The following DGKB variants were observed in gnomAD, a reference collection of about 807,000 sequenced individuals.
DGKB encodes 90 kDa diacylglycerol kinase.
Under a neutral mutation model 114.3 loss-of-function variants are expected in DGKB, and 67 were observed. The observed-to-expected ratio is 0.59, with a 90% confidence interval of 0.48 to 0.72. DGKB has a LOEUF of 0.72. Ranked by LOEUF, DGKB falls within the 30% of genes least tolerant of loss-of-function variation. The pLI is 0.00. For synonymous variants in DGKB, 398 were observed against 323.1 expected (o/e 1.23, Z -2.49); for missense variants, 907 against 975.2 (o/e 0.93, Z 0.93).
At chr7:14,625,905 A>G (rs1362108651) in intron 14 of DGKB, among the ~76,000 whole-genome samples, 6 of 152,156 alleles carry the variant, frequency 3.9e-5, no homozygotes, top group African/African-American at 1.4e-4. Flanking sequence ...TTAAATATAG[A>G]ATTCAGTGTT....
Position 14,790,445 on chromosome 7 carries a change from A to G in DGKB, c.71-32714T>C, listed in dbSNP as rs556953786. Among the ~76,000 whole-genome samples, 5 of 127,150 alleles carry G rather than the reference A, an allele frequency of 3.9e-5. No individual in the cohort carries two copies. The East Asian group carries it at 6.8e-4, about 17-fold the overall frequency. The allele number at this position is 127,150 out of a possible 152,430, so 83.4% of individuals were successfully genotyped here. Reference sequence around the variant, plus strand: ...TTCAGTTTTATGTTTTAAATATAAGACCACATCCATTTTGTTTAATTTTTC... The same window carrying G: ...TTCAGTTTTATGTTTTAAATATAAGGCCACATCCATTTTGTTTAATTTTTC... On this transcript the variant is annotated intron_variant, in intron 2 of 25. Transcript: ENST00000402815.
intron 23 of DGKB, among the ~76,000 whole-genome samples, chr7:14,228,108 G>T (rs1791110899): frequency 1.3e-5 from 2 of 151,960 alleles, no homozygotes; most frequent in South Asian, 4.1e-4. Context: ...GACGATGAGG[G>T]TTATTATATC....
intron 23 of DGKB, among the ~76,000 whole-genome samples, chr7:14,327,848 A>G (rs1254844881): frequency 6.6e-6 from 1 of 152,146 alleles, no homozygotes; most frequent in Non-Finnish European, 1.5e-5. Flanking sequence ...TGATTAATAC[A>G]TTATTTCATT....
At chr7:14,438,950 CTA>C in intron 21 of DGKB, among the ~76,000 whole-genome samples, 1 of 151,108 alleles carries the variant, frequency 6.6e-6, no homozygotes, top group Middle Eastern at 3.4e-3. Flanking sequence ...ATTTCAAATC[CTA>C]TATGTGGGAA....
chr7:14,901,998 C>T (rs571045614), intron 1 of DGKB, among the ~76,000 whole-genome samples: 1 of 152,220 alleles, frequency 6.6e-6, no homozygotes, highest in African/African-American at 2.4e-5. Flanking sequence ...CAGGAAGAAA[C>T]TGAGGGGACC....
At chr7:14,362,633 G>A (rs1815958781) in intron 21 of DGKB, among the ~76,000 whole-genome samples, 1 of 134,630 alleles carries the variant, frequency 7.4e-6, no homozygotes, top group African/African-American at 3.1e-5. Context: ...TTCTTAGAGT[G>A]TATATACAAT....
chr7:14,170,109 G>A (rs1321576149), intron 25 of DGKB, among the ~76,000 whole-genome samples: 21 of 136,238 alleles, frequency 1.5e-4, no homozygotes, highest in Middle Eastern at 4.7e-3. Flanking sequence ...ACTCCAGCCT[G>A]GGCAACAAGA....
intron 23 of DGKB, among the ~76,000 whole-genome samples, chr7:14,255,638 C>A (rs73069655): frequency 0.045 from 6,918 of 152,128 alleles, 256 homozygotes; most frequent in East Asian, 0.18. Context: ...ATAATGCATA[C>A]CTACTCCTAG....
intron 23 of DGKB, among the ~76,000 whole-genome samples, chr7:14,196,993 T>C (rs1785123580): frequency 6.6e-6 from 1 of 152,066 alleles, no homozygotes. Context: ...AAAGTAGAAA[T>C]GGACATGAAA....
intron 13 of DGKB, among the ~76,000 whole-genome samples, chr7:14,652,261 T>G (rs1242954466): frequency 6.6e-6 from 1 of 152,122 alleles, no homozygotes; most frequent in Non-Finnish European, 1.5e-5. Context: ...ACTACAAGTC[T>G]ACAGTAACCC....
intron 25 of DGKB, among the ~76,000 whole-genome samples, chr7:14,150,192 C>T (rs1264828909): frequency 3.9e-5 from 6 of 152,036 alleles, no homozygotes; most frequent in Non-Finnish European, 5.9e-5. Context: ...TTTTCTTTAG[C>T]GAACTGCGAC....
intron 21 of DGKB, among the ~76,000 whole-genome samples, chr7:14,452,663 AT>A (rs1393766989): frequency 2.6e-5 from 4 of 152,216 alleles, no homozygotes; most frequent in Middle Eastern, 3.4e-3. Flanking sequence ...GACTGAATTT[AT>A]ATTATATAAT....
At chr7:14,788,692 T>C (rs1415144680) in intron 2 of DGKB, among the ~76,000 whole-genome samples, 1 of 152,056 alleles carries the variant, frequency 6.6e-6, no homozygotes, top group Non-Finnish European at 1.5e-5. Flanking sequence ...CACAATCAAG[T>C]TTCTTGCCCA....
At chr7:14,182,992 T>G (rs1336291053) in intron 23 of DGKB, among the ~76,000 whole-genome samples, 1 of 152,158 alleles carries the variant, frequency 6.6e-6, no homozygotes, top group Non-Finnish European at 1.5e-5. Context: ...TCAGAGGCCA[T>G]GTGGAGGTAC....
chr7:14,918,116 T>A (rs1368719887), intron 1 of DGKB, among the ~76,000 whole-genome samples: 1 of 152,110 alleles, frequency 6.6e-6, no homozygotes, highest in Non-Finnish European at 1.5e-5. Context: ...TGATAAAGAA[T>A]ATCTACAATA....
At chr7:14,815,263 G>C (rs191588463) in intron 2 of DGKB, 1 of 152,182 alleles carries the variant, frequency 6.6e-6, no homozygotes, top group African/African-American at 2.4e-5. Flanking sequence ...TGCATCCAGC[G>C]CATCCCATTC....
At chr7:14,605,131 T>A (rs1585067677) in intron 17 of DGKB, among the ~76,000 whole-genome samples, 1 of 152,104 alleles carries the variant, frequency 6.6e-6, no homozygotes, top group South Asian at 2.1e-4. Flanking sequence ...TATTTGGTAA[T>A]AATTGTAAAA....
At chr7:14,316,400 GA>G (rs766321266) in intron 23 of DGKB, among the ~76,000 whole-genome samples, 44 of 119,046 alleles carry the variant, frequency 3.7e-4, no homozygotes, top group African/African-American at 6.6e-4. Flanking sequence ...GACTAATAAA[GA>G]AAAAAAGAGA....
intron 6 of DGKB, among the ~76,000 whole-genome samples, chr7:14,705,107 T>C (rs1371266511): frequency 6.7e-6 from 1 of 149,218 alleles, no homozygotes; most frequent in Non-Finnish European, 1.5e-5. Flanking sequence ...GAATAACCAA[T>C]ACAGAGAAGT....
Sources: allele counts gnomAD v4.1 joint callset (sites outside exome capture counted in the v4.1 genomes callset), GRCh38; gene constraint gnomAD v4.1.1; transcripts MANE v1.5; gene names NCBI Gene and HGNC (gene_info 2026-07-23, HGNC 2026-07-21).